BCAS1: variants seen among roughly 807,000 people sequenced by gnomAD.
The protein encoded by BCAS1 is breast carcinoma-amplified sequence 1.
In BCAS1, 46 loss-of-function variants were observed where a neutral mutation model predicts 65.4. The observed-to-expected ratio is 0.70, with a 90% CI of 0.55 to 0.90. The LOEUF (loss-of-function observed/expected upper bound fraction) is 0.90. Ranked by LOEUF, BCAS1 falls within the 40% of genes least tolerant of loss-of-function variation. The pLI is 0.00. For missense variants in BCAS1, 793 were observed against 771.2 expected (o/e 1.03, Z -0.33); for synonymous variants, 298 against 293.5 (o/e 1.02, Z -0.16).
intron 12 of BCAS1, among the ~76,000 whole-genome samples, chr20:53,952,047 G>A (rs1463767384): frequency 6.6e-6 from 1 of 152,156 alleles, no homozygotes; most frequent in Admixed American, 6.5e-5. Flanking sequence ...AATGATTAGT[G>A]GATACCCACT....
At chr20:53,957,074 C>A (rs1275521630) in intron 11 of BCAS1, among the ~76,000 whole-genome samples, 1 of 152,098 alleles carries the variant, frequency 6.6e-6, no homozygotes, top group Non-Finnish European at 1.5e-5. Context: ...TGAATTATTA[C>A]AATTTGTGAT....
At position 53,953,630 on chromosome 20, in the gene BCAS1, C is replaced by A. The variant is rs1285466313; in HGVS notation, c.1617G>T (p.Lys539Asn). ...PEPEPTGAPQ[K>N]GKEGSSKDKK... ...TGTCCTTCGAGGAGCCCTCTTTACC[C>A]TTCTGTGGTGCTCCTGTTGGTTCAG... is the stretch of plus-strand genomic sequence containing the variant. Residue 539 changes from lysine (K) to asparagine (N), a missense_variant, in exon 12 of 13, where the codon AAG becomes AAT. Coordinates refer to ENST00000688948, the MANE Select transcript of BCAS1 (RefSeq NM_001366298.2). 6 of 1,613,776 alleles carry A rather than the reference C, an allele frequency of 3.7e-6. No individual in the cohort carries two copies. Among genetic ancestry groups the A allele is most frequent in the Non-Finnish European group, 5.1e-6 (6 of 1,180,010 alleles).
In BCAS1 at chr20:54,058,146, C is replaced by T. The variant is rs375184061; in HGVS notation, c.81G>A (p.Ala27=). ...EPEAETYQDN[A]SALNGVPVVV... is the part of the protein sequence containing the mutation. ...CCACTGGAACCCCGTTCAGAGCAGACGCGTTGTCCTGAAACAGAGCACGTG... is the reference window on the plus strand; with the variant it reads ...CCACTGGAACCCCGTTCAGAGCAGATGCGTTGTCCTGAAACAGAGCACGTG... Residue 27 remains alanine (A), a synonymous_variant, in exon 3 of 13, where the codon GCG becomes GCA. Transcript: ENST00000688948. 2 of 1,613,974 alleles carry T rather than the reference C, an allele frequency of 1.2e-6. No individual in the cohort carries two copies. Among genetic ancestry groups the T allele is most frequent in the Non-Finnish European group, 1.7e-6 (2 of 1,179,964 alleles).
Position 53,957,500 on chromosome 20 carries a change from A to T in BCAS1, c.1486-3T>A, listed in dbSNP as rs1336452765. On this transcript the variant is annotated splice_region_variant and splice_polypyrimidine_tract_variant and intron_variant, in intron 10 of 12. Coordinates refer to ENST00000688948, the MANE Select transcript of BCAS1 (RefSeq NM_001366298.2). ...ATCCCTCCATCCCCTTTCACTGACT[A>T]AAATAACAAACAGACAATGGCCTTC... 1 of 1,613,708 alleles carries T rather than the reference A, an allele frequency of 6.2e-7. No individual in the cohort carries two copies. Among genetic ancestry groups the T allele is most frequent in the African/African-American group, 1.3e-5 (1 of 75,040 alleles).
At chr20:53,992,293 C>T (rs1382590399) in intron 7 of BCAS1, among the ~76,000 whole-genome samples, 2 of 152,054 alleles carry the variant, frequency 1.3e-5, no homozygotes, top group Non-Finnish European at 2.9e-5. Flanking sequence ...GTTCCAGAAC[C>T]CTGGTCCGCA....
chr20:53,975,743 C>A (rs772646630), intron 8 of BCAS1, among the ~76,000 whole-genome samples: 7 of 151,906 alleles, frequency 4.6e-5, no homozygotes, highest in Non-Finnish European at 7.4e-5. Flanking sequence ...ATGTACTTGC[C>A]TTTATATTTT....
At chr20:54,056,782 G>C (rs1286322349) in intron 3 of BCAS1, among the ~76,000 whole-genome samples, 1 of 152,118 alleles carries the variant, frequency 6.6e-6, no homozygotes, top group Non-Finnish European at 1.5e-5. Flanking sequence ...CATTACTCAG[G>C]AAAGGAAACT....
chr20:54,028,583 C>A lies in BCAS1; in HGVS notation c.532G>T (p.Gly178Trp). ...RDPTLLPPET[G>W]GAGGEAPSKP... is the part of the protein sequence containing the mutation. ...GAGGGAGCTTCTCCTCCTGCTCCCC[C>A]TGTCTCAGGTGGGAGAAGCGTGGGA... is the stretch of plus-strand genomic sequence containing the variant. The change falls in exon 4 of 13, where the codon GGG becomes TGG. Residue 178 changes from glycine (G) to tryptophan (W), a missense_variant. Gly to Trp is a radical substitution (Grantham distance 184). Coordinates refer to ENST00000688948, the MANE Select transcript of BCAS1 (RefSeq NM_001366298.2). 2 of 1,614,166 alleles carry A rather than the reference C, an allele frequency of 1.2e-6. No homozygotes were observed. Among genetic ancestry groups the A allele is most frequent in the Non-Finnish European group, 1.7e-6 (2 of 1,180,012 alleles).
intron 6 of BCAS1, among the ~76,000 whole-genome samples, chr20:53,993,071 C>T (rs1163473617): frequency 1.3e-5 from 2 of 152,312 alleles, no homozygotes; most frequent in Non-Finnish European, 2.9e-5. Flanking sequence ...AAGACTGCTG[C>T]TGAATGTCTT....
At chr20:54,066,194 T>G (rs1485536363) in intron 1 of BCAS1, among the ~76,000 whole-genome samples, 2 of 152,046 alleles carry the variant, frequency 1.3e-5, no homozygotes, top group East Asian at 3.9e-4. Flanking sequence ...TGCCTCAGTC[T>G]CCCGAGTAGC....
chr20:53,996,473 A>G (rs1445758756), intron 4 of BCAS1, among the ~76,000 whole-genome samples: 1 of 151,692 alleles, frequency 6.6e-6, no homozygotes, highest in Non-Finnish European at 1.5e-5. Flanking sequence ...AAAAAAAAAA[A>G]AAAAAAAAAG....
intron 10 of BCAS1, among the ~76,000 whole-genome samples, chr20:53,958,623 G>A (rs1391593700): frequency 6.6e-6 from 1 of 152,192 alleles, no homozygotes; most frequent in African/African-American, 2.4e-5. Flanking sequence ...GAGCTACGGT[G>A]TTCACATTAG....
chr20:53,949,867 G>T lies in BCAS1; in HGVS notation c.1815+3565C>A, dbSNP rs371696960. Among the ~76,000 whole-genome samples, 23 of 152,236 alleles carry T rather than the reference G, an allele frequency of 1.5e-4. 2 individuals are homozygous for T. Among genetic ancestry groups the T allele is most frequent in the East Asian group, 5.8e-4 (3 of 5,182 alleles). On this transcript the variant is annotated intron_variant, in intron 12 of 12. Coordinates refer to ENST00000688948, the MANE Select transcript of BCAS1 (RefSeq NM_001366298.2). ...AGAGATGAGGTCTGTAAAGGAGTGT[G>T]GTCCCAGAGGAGGGACTCGGTGTCT... is the stretch of plus-strand genomic sequence containing the variant.
At chr20:54,069,491 C>A (rs2092487962) in intron 1 of BCAS1, among the ~76,000 whole-genome samples, 1 of 152,158 alleles carries the variant, frequency 6.6e-6, no homozygotes, top group Non-Finnish European at 1.5e-5. Flanking sequence ...GTGAGAGTCT[C>A]ACTGGCTGCA....
intron 11 of BCAS1, among the ~76,000 whole-genome samples, chr20:53,956,897 T>C (rs2089716923): frequency 6.6e-6 from 1 of 152,126 alleles, no homozygotes; most frequent in African/African-American, 2.4e-5. Context: ...ATAAAGAAAA[T>C]AATGAAAGCA....
intron 3 of BCAS1, among the ~76,000 whole-genome samples, chr20:54,044,726 T>G (rs1332495989): frequency 6.6e-6 from 1 of 150,942 alleles, no homozygotes; most frequent in Non-Finnish European, 1.5e-5. Context: ...TAATCTCAGC[T>G]ACTAGGGAGG....
Position 54,068,863 on chromosome 20 carries a change from C to G in BCAS1, c.-6+1570G>C, listed in dbSNP as rs1047824512. 2.6e-5 allele frequency among the ~76,000 whole-genome samples: 4 copies of G among 152,092 alleles called. No homozygotes were observed. In the East Asian group the frequency reaches 7.7e-4, roughly 29 times the overall value. The stretch of plus-strand genomic sequence containing the variant: ...GCAGGACAGATGAGCCTGCAAGGTG[C>G]AAAGGTACCCCCGCCCCCAACCCAA... On this transcript the variant is annotated intron_variant, in intron 1 of 12. Coordinates refer to ENST00000688948, the MANE Select transcript of BCAS1 (RefSeq NM_001366298.2).
intron 7 of BCAS1, among the ~76,000 whole-genome samples, chr20:53,987,084 T>C (rs2090633694): frequency 6.6e-6 from 1 of 152,182 alleles, no homozygotes; most frequent in African/African-American, 2.4e-5. Context: ...CTAGAGCTCT[T>C]CCCAGGCAGC....
At chr20:53,962,148 A>G (rs406691) in intron 10 of BCAS1, among the ~76,000 whole-genome samples, 14,612 of 152,212 alleles carry the variant, frequency 0.096, 1,253 homozygotes, top group African/African-American at 0.23. Context: ...TAATGCTCAG[A>G]GAAGAATTTC....
Sources: allele counts gnomAD v4.1 joint callset (sites outside exome capture counted in the v4.1 genomes callset), GRCh38; gene constraint gnomAD v4.1.1; transcripts MANE v1.5; gene names NCBI Gene and HGNC (gene_info 2026-07-23, HGNC 2026-07-21).